Variants in CNTN4 observed in about 807,000 individuals in gnomAD.
CNTN4 encodes contactin-4.
CNTN4 carries 77 observed loss-of-function variants against 122.5 expected under a neutral mutation model. That is an observed-to-expected ratio of 0.63 (90% CI 0.52 to 0.76). The LOEUF (loss-of-function observed/expected upper bound fraction) is 0.76, where lower values mean the gene tolerates loss of function less well. Ranked by LOEUF, CNTN4 falls within the 30% of genes least tolerant of loss-of-function variation. The pLI is 0.00. For missense variants in CNTN4, 1,256 were observed against 1,259.1 expected, an observed-to-expected ratio of 1.00 and a Z score of 0.04; for synonymous variants, 512 against 447.0, an observed-to-expected ratio of 1.15 and a Z score of -1.83.
At chr3:2,830,479 T>A (rs865914684) in intron 7 of CNTN4, among the ~76,000 whole-genome samples, 10 of 152,112 alleles carry the variant, frequency 6.6e-5, no homozygotes, top group Admixed American at 2.6e-4. Context: ...CATGCAGAGC[T>A]TTTTCTTTTG....
At chr3:2,127,670 A>T (rs2034244568) in intron 2 of CNTN4, among the ~76,000 whole-genome samples, 1 of 152,298 alleles carries the variant, frequency 6.6e-6, no homozygotes, top group South Asian at 2.1e-4. Flanking sequence ...CAGATTCCAT[A>T]TTGGAAATAT....
At chr3:2,131,280 A>G (rs1574902067) in intron 2 of CNTN4, among the ~76,000 whole-genome samples, 1 of 152,160 alleles carries the variant, frequency 6.6e-6, no homozygotes, top group East Asian at 1.9e-4. Flanking sequence ...GGTGTGCACA[A>G]TAACTAGTTA....
intron 3 of CNTN4, among the ~76,000 whole-genome samples, chr3:2,533,302 G>A (rs2077669697): frequency 6.6e-6 from 1 of 151,498 alleles, no homozygotes; most frequent in Non-Finnish European, 1.5e-5. Flanking sequence ...CCCCACAACA[G>A]GCCCTGGTGT....
At chr3:2,318,510 G>T (rs62243962) in intron 2 of CNTN4, among the ~76,000 whole-genome samples, 29,342 of 152,048 alleles carry the variant, frequency 0.19, 3,314 homozygotes, top group Non-Finnish European at 0.25. Context: ...TAATCAAGAT[G>T]TTTGTATATT....
chr3:2,860,230 A>T (rs950325047), intron 7 of CNTN4, among the ~76,000 whole-genome samples: 2 of 152,228 alleles, frequency 1.3e-5, no homozygotes, highest in Non-Finnish European at 2.9e-5. Flanking sequence ...CTTTCACTTT[A>T]TGTGCCAACA....
chr3:2,761,524 A>G (rs1165251234), intron 6 of CNTN4, among the ~76,000 whole-genome samples: 1 of 151,726 alleles, frequency 6.6e-6, no homozygotes, highest in Admixed American at 6.6e-5. Context: ...TAACATGTGA[A>G]TGCTCTGATT....
intron 4 of CNTN4, among the ~76,000 whole-genome samples, chr3:2,722,031 G>A (rs764128230): frequency 3.9e-5 from 6 of 152,140 alleles, no homozygotes; most frequent in African/African-American, 1.2e-4. Flanking sequence ...CCAGCACCTC[G>A]TGCTTGGACA....
chr3:2,862,161 C>G (rs988813447), intron 7 of CNTN4, among the ~76,000 whole-genome samples: 6 of 152,212 alleles, frequency 3.9e-5, no homozygotes, highest in African/African-American at 1.4e-4. Flanking sequence ...TCTTTGAAAA[C>G]TGACATCTTT....
At chr3:2,254,083 C>T (rs1401504383) in intron 2 of CNTN4, among the ~76,000 whole-genome samples, 3 of 150,008 alleles carry the variant, frequency 2.0e-5, no homozygotes, top group Non-Finnish European at 4.4e-5. Flanking sequence ...TGTTCCCCTC[C>T]CTGTGTCCAT....
Position 2,120,374 on chromosome 3 carries a change from AATATATATATATATATAT to A in CNTN4, c.-145+19750_-145+19767del, listed in dbSNP as rs1185851358. Among the ~76,000 whole-genome samples, 24 of 59,086 alleles carry A rather than the reference AATATATATATATATATAT, an allele frequency of 4.1e-4. 3 individuals carry two copies. The highest frequency in any genetic ancestry group is 5.4e-4 in the Non-Finnish European group (17 of 31,676). The allele number at this position is 59,086 out of a possible 152,430, so 38.8% of individuals were successfully genotyped here. Reference sequence around the variant, plus strand: ...GGTTATATATATATATATATATATAAATATATATATATATATATATATATATATATATTTTTTTTTTTT... The same window carrying A: ...GGTTATATATATATATATATATATAAATATATATATATATTTTTTTTTTTT... On this transcript the variant is annotated intron_variant, in intron 2 of 24. Coordinates refer to ENST00000418658, the MANE Select transcript of CNTN4 (RefSeq NM_175607.3).
chr3:2,801,548 A>C (rs984562305), intron 6 of CNTN4, among the ~76,000 whole-genome samples: 1 of 152,208 alleles, frequency 6.6e-6, no homozygotes. Flanking sequence ...TAAAATAATG[A>C]AGATATTCTT....
chr3:2,634,896 A>G (rs2082596441), intron 4 of CNTN4, among the ~76,000 whole-genome samples: 1 of 151,788 alleles, frequency 6.6e-6, no homozygotes, highest in Non-Finnish European at 1.5e-5. Context: ...AAATGATTAC[A>G]TACATTAACC....
intron 7 of CNTN4, among the ~76,000 whole-genome samples, chr3:2,821,370 T>C (rs1435345159): frequency 6.6e-6 from 1 of 152,208 alleles, no homozygotes; most frequent in African/African-American, 2.4e-5. Flanking sequence ...GCATGTGGTA[T>C]GGATGAGGCA....
At chr3:2,138,374 T>C (rs1430806685) in intron 2 of CNTN4, among the ~76,000 whole-genome samples, 1 of 151,790 alleles carries the variant, frequency 6.6e-6, no homozygotes, top group Non-Finnish European at 1.5e-5. Context: ...AGCCCCAGTA[T>C]GTCTTCTTAT....
chr3:2,876,951 C>A (rs555517006), intron 8 of CNTN4, among the ~76,000 whole-genome samples: 23 of 152,338 alleles, frequency 1.5e-4, no homozygotes, highest in Admixed American at 3.9e-4. Context: ...AGACCAGCAG[C>A]ATCAACATCA....
intron 2 of CNTN4, among the ~76,000 whole-genome samples, chr3:2,207,330 A>C (rs754429769): frequency 6.6e-5 from 10 of 152,160 alleles, no homozygotes; most frequent in Non-Finnish European, 1.5e-5. Context: ...GAAATGATTA[A>C]GCTTAGTGAG....
At chr3:2,318,225 A>T (rs1163853133) in intron 2 of CNTN4, among the ~76,000 whole-genome samples, 1 of 151,940 alleles carries the variant, frequency 6.6e-6, no homozygotes, top group Non-Finnish European at 1.5e-5. Context: ...CCCTAAAAAA[A>T]AAAAAAAAAA....
chr3:2,707,297 C>A (rs1344037622), intron 4 of CNTN4, among the ~76,000 whole-genome samples: 6 of 151,410 alleles, frequency 4.0e-5, no homozygotes, highest in African/African-American at 1.5e-4. Context: ...CAGAGCAAGA[C>A]CATGTCTCAA....
At chr3:2,811,033 A>C (rs1240965901) in intron 6 of CNTN4, among the ~76,000 whole-genome samples, 1 of 152,060 alleles carries the variant, frequency 6.6e-6, no homozygotes, top group Non-Finnish European at 1.5e-5. Context: ...AAAAGAAAAA[A>C]AAAAAGATCA....
Sources: allele counts gnomAD v4.1 joint callset (sites outside exome capture counted in the v4.1 genomes callset), GRCh38; gene constraint gnomAD v4.1.1; transcripts MANE v1.5; gene names NCBI Gene and HGNC (gene_info 2026-07-23, HGNC 2026-07-21).